Variants in MYO16 observed in about 807,000 individuals in gnomAD.
The protein encoded by MYO16 is unconventional myosin-XVI.
A neutral mutation model predicts 205.3 loss-of-function variants in MYO16; 94 were observed. The ratio of observed to expected loss-of-function variants is 0.46; its 90% CI spans 0.39 to 0.54. The LOEUF (loss-of-function observed/expected upper bound fraction) is 0.54. MYO16 is among the 20% of genes least tolerant of loss of function. The pLI, the probability that MYO16 is intolerant of heterozygous loss-of-function variation, is 0.00. For synonymous variants in MYO16, 988 were observed against 954.0 expected (o/e 1.04, Z -0.66); for missense variants, 2,315 against 2,387.5 (o/e 0.97, Z 0.63).
At chr13:108,959,416 G>C (rs1224259312) in intron 17 of MYO16, among the ~76,000 whole-genome samples, 1 of 152,140 alleles carries the variant, frequency 6.6e-6, no homozygotes, top group African/African-American at 2.4e-5. Context: ...CTGGAAACAG[G>C]GCTTTGAAAA....
chr13:109,116,442 C>G (rs1025781444), intron 28 of MYO16, among the ~76,000 whole-genome samples: 2 of 152,146 alleles, frequency 1.3e-5, no homozygotes, highest in African/African-American at 4.8e-5. Context: ...TGCAACGCTG[C>G]TCCTTCCCAG....
the MYO16 span, among the ~76,000 whole-genome samples, chr13:108,560,362 T>C: frequency 9.5e-4 from 144 of 152,284 alleles, no homozygotes; most frequent in African/African-American, 3.2e-3. Flanking sequence ...AAGTGTGAAA[T>C]TGATTCAGTT....
At chr13:108,542,333 G>C in the MYO16 span, among the ~76,000 whole-genome samples, 10 of 152,156 alleles carry the variant, frequency 6.6e-5, no homozygotes, top group Admixed American at 1.3e-4. Flanking sequence ...TTTGGGAGGA[G>C]AGAGAAGTTT....
At chr13:108,911,930 C>T in intron 16 of MYO16, among the ~76,000 whole-genome samples, 1 of 152,232 alleles carries the variant, frequency 6.6e-6, no homozygotes, top group Non-Finnish European at 1.5e-5. Flanking sequence ...CTGAGCAACA[C>T]ATGGTGTTAT....
chr13:108,577,537 C>T, the MYO16 span, among the ~76,000 whole-genome samples: 1 of 152,198 alleles, frequency 6.6e-6, no homozygotes, highest in South Asian at 2.1e-4. Flanking sequence ...CCAACTCTTC[C>T]TGCCAGCATC....
chr13:109,043,165 C>T (rs1170761490), intron 23 of MYO16, among the ~76,000 whole-genome samples: 1 of 152,086 alleles, frequency 6.6e-6, no homozygotes, highest in East Asian at 1.9e-4. Flanking sequence ...TACAGTATAA[C>T]CAAAACTTGC....
chr13:109,179,441 A>G, intron 33 of MYO16, 101 bp from the exon 34 acceptor site: 1 of 754,624 alleles, frequency 1.3e-6, no homozygotes, highest in Non-Finnish European at 2.3e-6. Flanking sequence ...ATTTCAATTC[A>G]TAAAAGATAA....
chr13:108,637,791 C>T (rs759408897), intron 1 of MYO16, among the ~76,000 whole-genome samples: 48 of 152,078 alleles, frequency 3.2e-4, no homozygotes, highest in Non-Finnish European at 6.3e-4. Context: ...AGGAGAATCG[C>T]TTGAACCCAG....
intron 20 of MYO16, among the ~76,000 whole-genome samples, chr13:108,972,374 A>AGCCATC (rs1266974469): frequency 3.4e-5 from 2 of 58,976 alleles, no homozygotes; most frequent in South Asian, 1.2e-3. Context: ...ATATATATAT[A>AGCCATC]TATATATATA....
At chr13:108,982,353 A>T (rs1363534909) in intron 20 of MYO16, among the ~76,000 whole-genome samples, 3 of 152,236 alleles carry the variant, frequency 2.0e-5, no homozygotes, top group Non-Finnish European at 2.9e-5. Flanking sequence ...ATCTACTTTA[A>T]CATACACTTT....
chr13:108,548,676 T>G, the MYO16 span, among the ~76,000 whole-genome samples: 1 of 151,950 alleles, frequency 6.6e-6, no homozygotes, highest in South Asian at 2.1e-4. Context: ...ATGAAGGCAG[T>G]CTTGATGGTG....
At position 109,125,873 on chromosome 13, in the gene MYO16, T is replaced by C. The variant is rs1439688489; in HGVS notation, c.3782+515T>C. Among the ~76,000 whole-genome samples the C allele has an allele frequency of 1.3e-5, 2 of 152,186 alleles. No homozygotes were observed. Among genetic ancestry groups the C allele is most frequent in the African/African-American group, 4.8e-5 (2 of 41,438 alleles). The stretch of plus-strand genomic sequence containing the variant: ...CTCTCTTTACCAATAAAGCAAGCTT[T>C]GGGGAAAGCTTTGTATTTAAAAGTT... On this transcript the variant is annotated intron_variant, in intron 30 of 34. Coordinates refer to ENST00000457511, the MANE Select transcript of MYO16 (RefSeq NM_001198950.3). The surrounding 1 kb of genome is among the most constrained non-coding windows in gnomAD (Gnocchi z 4.0).
At chr13:108,887,604 A>G (rs1158030114) in intron 13 of MYO16, among the ~76,000 whole-genome samples, 2 of 152,294 alleles carry the variant, frequency 1.3e-5, no homozygotes, top group African/African-American at 4.8e-5. Flanking sequence ...TATGCCTGGG[A>G]TGTATTAAAA....
intron 20 of MYO16, among the ~76,000 whole-genome samples, chr13:108,984,583 G>C (rs753607185): frequency 6.6e-6 from 1 of 152,096 alleles, no homozygotes; most frequent in Non-Finnish European, 1.5e-5. Flanking sequence ...ATCCAGATTA[G>C]TCCTGCTGGG....
At chr13:109,152,538 C>T (rs375086041) in intron 32 of MYO16, among the ~76,000 whole-genome samples, 34 of 152,174 alleles carry the variant, frequency 2.2e-4, no homozygotes, top group African/African-American at 8.2e-4. Flanking sequence ...AGGAAAGAGG[C>T]TCTGTGCTTT....
At chr13:109,068,003 C>T (rs767240562) in intron 27 of MYO16, among the ~76,000 whole-genome samples, 42 of 152,230 alleles carry the variant, frequency 2.8e-4, no homozygotes, top group Non-Finnish European at 5.3e-4. Flanking sequence ...TGATTTAAAA[C>T]GAATATATAA....
At chr13:108,804,970 G>A (rs943738566) in intron 6 of MYO16, among the ~76,000 whole-genome samples, 4 of 152,148 alleles carry the variant, frequency 2.6e-5, no homozygotes, top group African/African-American at 4.8e-5. Context: ...ACTTGACATC[G>A]TTAGTATCAA....
At chr13:108,998,137 G>T (rs1393156948) in intron 21 of MYO16, among the ~76,000 whole-genome samples, 1 of 152,174 alleles carries the variant, frequency 6.6e-6, no homozygotes, top group Non-Finnish European at 1.5e-5. Context: ...TGCTAGAGAT[G>T]ATAGAAAGAA....
intron 28 of MYO16, among the ~76,000 whole-genome samples, chr13:109,107,687 G>T (rs1307669830): frequency 2.6e-5 from 4 of 151,726 alleles, no homozygotes; most frequent in Non-Finnish European, 5.9e-5. Flanking sequence ...CCTATAAAAT[G>T]ATTCTTTCTT....
Sources: allele counts gnomAD v4.1 joint callset (sites outside exome capture counted in the v4.1 genomes callset), GRCh38; gene constraint gnomAD v4.1.1; non-coding constraint Gnocchi (gnomAD v3.1); transcripts MANE v1.5; gene names NCBI Gene and HGNC (gene_info 2026-07-23, HGNC 2026-07-21).